DISC1: variants seen among roughly 807,000 people sequenced by gnomAD.
DISC1 encodes DISC1 scaffold protein.
Under a neutral mutation model 84.5 loss-of-function variants are expected in DISC1, and 57 were observed. That is an observed-to-expected ratio of 0.67 (90% confidence interval 0.55 to 0.84). The LOEUF is 0.84. Ranked by LOEUF, DISC1 falls within the 40% of genes least tolerant of loss-of-function variation. DISC1 has a pLI of 0.00. For synonymous variants in DISC1, 411 were observed against 415.2 expected (o/e 0.99, Z 0.12); for missense variants, 1,000 against 1,057.8 (o/e 0.95, Z 0.76).
chr1:231,947,696 G>T (rs1657503719), intron 9 of DISC1, among the ~76,000 whole-genome samples: 1 of 152,190 alleles, frequency 6.6e-6, no homozygotes, highest in Non-Finnish European at 1.5e-5. Context: ...GAAAATTTTT[G>T]CAATCTATCC....
intron 9 of DISC1, among the ~76,000 whole-genome samples, chr1:231,958,209 C>T (rs1659853433): frequency 6.6e-6 from 1 of 152,144 alleles, no homozygotes; most frequent in African/African-American, 2.4e-5. Flanking sequence ...CTCTTTTATC[C>T]GTAAAGTGCC....
chr1:231,914,170 C>T (rs2089455274), intron 9 of DISC1, among the ~76,000 whole-genome samples: 1 of 152,152 alleles, frequency 6.6e-6, no homozygotes, highest in African/African-American at 2.4e-5. Flanking sequence ...CCACCTGTGA[C>T]ATTACATCTG....
At chr1:231,639,787 T>C (rs1037068905) in intron 1 of DISC1, among the ~76,000 whole-genome samples, 15 of 152,222 alleles carry the variant, frequency 9.9e-5, no homozygotes, top group African/African-American at 3.6e-4. Flanking sequence ...CTGCTTTTAC[T>C]ATAAACTTGC....
intron 9 of DISC1, among the ~76,000 whole-genome samples, chr1:231,895,471 G>A (rs1344852865): frequency 6.6e-6 from 1 of 151,710 alleles, no homozygotes; most frequent in African/African-American, 2.4e-5. Context: ...TTTTACAACA[G>A]CATACTTACA....
chr1:231,708,409 T>C (rs1385908306), intron 3 of DISC1, among the ~76,000 whole-genome samples: 1 of 152,242 alleles, frequency 6.6e-6, no homozygotes, highest in Admixed American at 6.5e-5. Context: ...GTGTAAGCAC[T>C]GTGCGTATAC....
intron 9 of DISC1, among the ~76,000 whole-genome samples, chr1:231,836,941 TG>T (rs1373773928): frequency 6.6e-6 from 1 of 152,182 alleles, no homozygotes; most frequent in Non-Finnish European, 1.5e-5. Flanking sequence ...GCACTTGACC[TG>T]ATGCTGGGAA....
intron 4 of DISC1, among the ~76,000 whole-genome samples, chr1:231,754,664 G>C (rs970996703): frequency 6.6e-6 from 1 of 152,114 alleles, no homozygotes; most frequent in African/African-American, 2.4e-5. Context: ...TTCTGGTCTT[G>C]CCTAAGTTTT....
At chr1:231,691,653 A>G (rs2065027805) in intron 1 of DISC1, among the ~76,000 whole-genome samples, 1 of 152,370 alleles carries the variant, frequency 6.6e-6, no homozygotes, top group Non-Finnish European at 1.5e-5. Flanking sequence ...TCATTTTTCA[A>G]GATACGAAAT....
chr1:231,735,226 C>G (rs765288691), intron 3 of DISC1, among the ~76,000 whole-genome samples: 1 of 152,090 alleles, frequency 6.6e-6, no homozygotes, highest in Admixed American at 6.5e-5. Flanking sequence ...TATTTTGTAT[C>G]CTGATTTATC....
At chr1:232,022,897 G>T (rs1669098668) in intron 11 of DISC1, among the ~76,000 whole-genome samples, 1 of 152,178 alleles carries the variant, frequency 6.6e-6, no homozygotes, top group Non-Finnish European at 1.5e-5. Context: ...GCCTGAGAGA[G>T]ATCCTGTAAC....
intron 9 of DISC1, among the ~76,000 whole-genome samples, chr1:231,868,524 G>A (rs563157859): frequency 6.6e-6 from 1 of 151,692 alleles, no homozygotes; most frequent in South Asian, 2.1e-4. Flanking sequence ...TGTGAGAGAG[G>A]TGAAGAAGAT....
At chr1:231,662,894 G>A (rs1031353788) in intron 1 of DISC1, among the ~76,000 whole-genome samples, 2 of 152,146 alleles carry the variant, frequency 1.3e-5, no homozygotes, top group African/African-American at 4.8e-5. Flanking sequence ...TGGAGAAAAT[G>A]AGGGTCAAAA....
intron 1 of DISC1, among the ~76,000 whole-genome samples, chr1:231,673,035 T>G (rs2062774074): frequency 1.3e-5 from 2 of 152,182 alleles, no homozygotes; most frequent in South Asian, 4.1e-4. Flanking sequence ...ATGAGTGACC[T>G]CTGGTGAGTG....
chr1:231,854,442 A>T (rs1364298175), intron 9 of DISC1, among the ~76,000 whole-genome samples: 1 of 152,190 alleles, frequency 6.6e-6, no homozygotes, highest in African/African-American at 2.4e-5. Context: ...ACTAATATCC[A>T]TTTCCATATA....
intron 3 of DISC1, among the ~76,000 whole-genome samples, chr1:231,725,346 C>T (rs1558430281): frequency 6.6e-6 from 1 of 152,216 alleles, no homozygotes; most frequent in Non-Finnish European, 1.5e-5. Context: ...CTGACGCAAA[C>T]CAGCAGATGG....
chr1:231,707,610 A>G (rs2067247844), intron 3 of DISC1, among the ~76,000 whole-genome samples: 2 of 152,210 alleles, frequency 1.3e-5, no homozygotes, highest in South Asian at 4.1e-4. Context: ...ATTGGCTATG[A>G]TCTCTGCCCT....
At chr1:231,881,112 T>C (rs1461659499) in intron 9 of DISC1, among the ~76,000 whole-genome samples, 2 of 151,384 alleles carry the variant, frequency 1.3e-5, no homozygotes, top group African/African-American at 2.5e-5. Flanking sequence ...AAAAAGTTTA[T>C]AGGGATGGTT....
intron 9 of DISC1, among the ~76,000 whole-genome samples, chr1:231,930,471 C>A (rs2090591672): frequency 6.6e-6 from 1 of 152,142 alleles, no homozygotes; most frequent in Admixed American, 6.6e-5. Flanking sequence ...TATTTAATTT[C>A]ACTTTGCATT....
chr1:231,891,227 CA>C (rs565554655), intron 9 of DISC1, among the ~76,000 whole-genome samples: 6 of 148,754 alleles, frequency 4.0e-5, no homozygotes, highest in African/African-American at 9.8e-5. Flanking sequence ...AAGAAAATTG[CA>C]AAAAAAAAAT....
Sources: allele counts gnomAD v4.1 joint callset (sites outside exome capture counted in the v4.1 genomes callset), GRCh38; gene constraint gnomAD v4.1.1; transcripts MANE v1.5; gene names NCBI Gene and HGNC (gene_info 2026-07-23, HGNC 2026-07-21).